The following HEMK2 variants were observed in gnomAD, a reference collection of about 807,000 sequenced individuals.
HEMK2 encodes methyltransferase HEMK2.
At chr21:28,740,922 T>C in the HEMK2 span, among the ~76,000 whole-genome samples, 6 of 140,176 alleles carry the variant, frequency 4.3e-5, no homozygotes, top group Admixed American at 1.5e-4. Flanking sequence ...TTGAAAATTA[T>C]GTAATGCATT....
the HEMK2 span, among the ~76,000 whole-genome samples, chr21:28,646,866 G>A: frequency 1.3e-5 from 2 of 152,186 alleles, no homozygotes; most frequent in African/African-American, 4.8e-5. Flanking sequence ...GTCCTCTTGT[G>A]AACTAGTCTC....
chr21:28,709,274 T>G, the HEMK2 span, among the ~76,000 whole-genome samples: 13 of 152,200 alleles, frequency 8.5e-5, no homozygotes, highest in Admixed American at 2.0e-4. Flanking sequence ...AAGGTATATG[T>G]AGAATACAGA....
chr21:28,742,169 CA>C, the HEMK2 span, among the ~76,000 whole-genome samples: 1 of 152,172 alleles, frequency 6.6e-6, no homozygotes, highest in Non-Finnish European at 1.5e-5. Context: ...GTAGCTTGGA[CA>C]GAGACCGTGT....
At chr21:28,862,327 G>C in the HEMK2 span, among the ~76,000 whole-genome samples, 1 of 152,172 alleles carries the variant, frequency 6.6e-6, no homozygotes, top group African/African-American at 2.4e-5. Context: ...AAGGCAAAAG[G>C]AATACAGAAT....
At chr21:28,596,360 C>A in the HEMK2 span, among the ~76,000 whole-genome samples, 1 of 152,078 alleles carries the variant, frequency 6.6e-6, no homozygotes, top group Non-Finnish European at 1.5e-5. Flanking sequence ...ATCTTCTTAG[C>A]CTAAATTAGG....
the HEMK2 span, among the ~76,000 whole-genome samples, chr21:28,740,699 A>C: frequency 6.6e-6 from 1 of 152,190 alleles, no homozygotes; most frequent in African/African-American, 2.4e-5. Flanking sequence ...AGAAGTTTAC[A>C]AGATTGAATT....
the HEMK2 span, among the ~76,000 whole-genome samples, chr21:28,849,946 A>G: frequency 6.6e-6 from 1 of 152,222 alleles, no homozygotes; most frequent in Non-Finnish European, 1.5e-5. Flanking sequence ...ATATTTGAGG[A>G]TATCATCCAT....
At chr21:28,662,209 C>T in the HEMK2 span, among the ~76,000 whole-genome samples, 29 of 152,104 alleles carry the variant, frequency 1.9e-4, no homozygotes, top group African/African-American at 2.7e-4. Flanking sequence ...CACGCTGATA[C>T]GTGTAAACTG....
At chr21:28,780,963 A>C in the HEMK2 span, among the ~76,000 whole-genome samples, 1 of 152,210 alleles carries the variant, frequency 6.6e-6, no homozygotes, top group East Asian at 1.9e-4. Context: ...CCTGCAGTGA[A>C]GACTTTTCAT....
At chr21:28,647,566 CA>C in the HEMK2 span, among the ~76,000 whole-genome samples, 1 of 151,138 alleles carries the variant, frequency 6.6e-6, no homozygotes, top group Non-Finnish European at 1.5e-5. Context: ...AGGGGCCAAC[CA>C]AAAACTCCAC....
chr21:28,834,585 A>G, the HEMK2 span, among the ~76,000 whole-genome samples: 1 of 152,170 alleles, frequency 6.6e-6, no homozygotes, highest in Non-Finnish European at 1.5e-5. Flanking sequence ...AAAACTACAC[A>G]AGGAGAAGGA....
the HEMK2 span, among the ~76,000 whole-genome samples, chr21:28,696,949 C>G: frequency 2.0e-5 from 3 of 152,146 alleles, no homozygotes; most frequent in Non-Finnish European, 4.4e-5. Flanking sequence ...AGCTGGGACA[C>G]GGGGCACCAT....
At chr21:28,698,920 C>T in the HEMK2 span, among the ~76,000 whole-genome samples, 55 of 152,300 alleles carry the variant, frequency 3.6e-4, no homozygotes, top group South Asian at 1.7e-3. Flanking sequence ...ACATGGGTGG[C>T]GAATGAAATC....
the HEMK2 span, among the ~76,000 whole-genome samples, chr21:28,785,522 T>C: frequency 1.3e-5 from 2 of 152,226 alleles, no homozygotes; most frequent in African/African-American, 4.8e-5. Context: ...TTAAGTATAT[T>C]CCCACTTTGA....
At chr21:28,616,403 G>A in the HEMK2 span, among the ~76,000 whole-genome samples, 13 of 152,232 alleles carry the variant, frequency 8.5e-5, no homozygotes, top group South Asian at 2.1e-4. Context: ...AGAATGAACC[G>A]TGCCTAAAAT....
the HEMK2 span, among the ~76,000 whole-genome samples, chr21:28,864,998 T>C: frequency 6.6e-6 from 1 of 151,858 alleles, no homozygotes; most frequent in African/African-American, 2.4e-5. Context: ...CCTTACCCTA[T>C]GCAGATATGT....
chr21:28,817,499 G>A, the HEMK2 span, among the ~76,000 whole-genome samples: 2 of 152,176 alleles, frequency 1.3e-5, no homozygotes, highest in Admixed American at 1.3e-4. Context: ...GTTGGGCAAA[G>A]AGGACAAAAA....
the HEMK2 span, among the ~76,000 whole-genome samples, chr21:28,818,660 T>C: frequency 5.3e-5 from 8 of 152,306 alleles, no homozygotes; most frequent in African/African-American, 1.4e-4. Context: ...GGAGTTGGCC[T>C]GATGGGCTTG....
chr21:28,800,136 T>C, the HEMK2 span, among the ~76,000 whole-genome samples: 5 of 152,302 alleles, frequency 3.3e-5, no homozygotes, highest in East Asian at 1.9e-4. Context: ...CCTACGTTGG[T>C]TGGGAAATCA....
Sources: gnomAD v4.1 joint callset for allele counts (sites outside exome capture counted in the v4.1 genomes callset) on GRCh38, gnomAD v4.1.1 for gene constraint, MANE v1.5 for transcripts, NCBI Gene and HGNC (gene_info 2026-07-23, HGNC 2026-07-21) for gene names.